Variants in C12orf42 observed in about 807,000 individuals in gnomAD.
C12orf42 encodes the protein chromosome 12 open reading frame 42.
C12orf42 carries 25 observed loss-of-function variants against 21.6 expected under a neutral mutation model. That is an observed-to-expected ratio of 1.16 (90% confidence interval 0.84 to 1.62). The LOEUF (loss-of-function observed/expected upper bound fraction) is 1.62. Among genes scored for constraint, C12orf42 ranks in the 40% most tolerant of loss-of-function variants. The pLI, the probability that C12orf42 is intolerant of heterozygous loss-of-function variation, is 0.00. For synonymous variants in C12orf42, 174 were observed against 175.0 expected, an observed-to-expected ratio of 0.99 and a Z score of 0.05; for missense variants, 483 against 459.3, an observed-to-expected ratio of 1.05 and a Z score of -0.47.
the C12orf42 span, among the ~76,000 whole-genome samples, chr12:103,509,413 G>A: frequency 6.6e-6 from 1 of 152,060 alleles, no homozygotes; most frequent in African/African-American, 2.4e-5. Flanking sequence ...TGAGCCAAGC[G>A]TAAGCACCTA....
chr12:103,163,331 T>A, the C12orf42 span, among the ~76,000 whole-genome samples: 1 of 152,136 alleles, frequency 6.6e-6, no homozygotes, highest in Non-Finnish European at 1.5e-5. Context: ...TGATGTGAAA[T>A]GAGGGGAAGG....
At chr12:103,213,788 C>T in the C12orf42 span, among the ~76,000 whole-genome samples, 1 of 152,280 alleles carries the variant, frequency 6.6e-6, no homozygotes, top group South Asian at 2.1e-4. Context: ...CATTTTTGAC[C>T]ATGGACTATG....
chr12:103,172,724 A>G, the C12orf42 span, among the ~76,000 whole-genome samples: 1 of 152,162 alleles, frequency 6.6e-6, no homozygotes, highest in South Asian at 2.1e-4. Flanking sequence ...GGATATTGCT[A>G]CAAAATATTT....
At chr12:103,184,396 T>C in the C12orf42 span, among the ~76,000 whole-genome samples, 1 of 152,230 alleles carries the variant, frequency 6.6e-6, no homozygotes, top group Admixed American at 6.5e-5. Context: ...TTTCATGGTA[T>C]ATCTTTTTCC....
downstream of C12orf42, among the ~76,000 whole-genome samples, chr12:103,298,941 C>G (rs1438415749): frequency 6.6e-6 from 1 of 152,160 alleles, no homozygotes; most frequent in Non-Finnish European, 1.5e-5. Flanking sequence ...AGAGTTCAAA[C>G]ATATGCTATG....
the C12orf42 span, among the ~76,000 whole-genome samples, chr12:103,063,972 A>G: frequency 6.6e-6 from 1 of 152,090 alleles, no homozygotes; most frequent in African/African-American, 2.4e-5. Flanking sequence ...CTAATAGTTT[A>G]TTTGCTTGGT....
intron 2 of C12orf42, among the ~76,000 whole-genome samples, chr12:103,418,551 C>T (rs1458382542): frequency 6.6e-6 from 1 of 151,926 alleles, no homozygotes; most frequent in African/African-American, 2.4e-5. Flanking sequence ...TGTGAATAAA[C>T]ACAATACTTT....
the C12orf42 span, among the ~76,000 whole-genome samples, chr12:103,118,198 T>A: frequency 6.6e-6 from 1 of 152,132 alleles, no homozygotes; most frequent in African/African-American, 2.4e-5. Flanking sequence ...ACAGCAAAAA[T>A]CTGGAGAACA....
At chr12:103,505,460 C>T in the C12orf42 span, 13 of 375,842 alleles carry the variant, frequency 3.5e-5, no homozygotes, top group East Asian at 1.0e-4. Flanking sequence ...GAAATGAACA[C>T]GTCTGGGTGC....
At chr12:103,259,067 T>C (rs1002555902) in intron 10 of C12orf42, among the ~76,000 whole-genome samples, 7 of 152,148 alleles carry the variant, frequency 4.6e-5, no homozygotes, top group Non-Finnish European at 1.0e-4. Flanking sequence ...TCTTGGTACA[T>C]GGATAGGCAA....
intron 3 of C12orf42, among the ~76,000 whole-genome samples, chr12:103,373,990 C>G (rs1268629785): frequency 6.6e-6 from 1 of 152,136 alleles, no homozygotes; most frequent in Non-Finnish European, 1.5e-5. Context: ...AATCTCTTAC[C>G]ACTGAGGCAT....
chr12:103,191,127 G>A, the C12orf42 span, among the ~76,000 whole-genome samples: 1 of 152,104 alleles, frequency 6.6e-6, no homozygotes, highest in Admixed American at 6.5e-5. Flanking sequence ...CTGTTGGAGG[G>A]AGAGGAACCT....
At chr12:103,254,907 C>A (rs1486569369) in intron 10 of C12orf42, among the ~76,000 whole-genome samples, 1 of 152,064 alleles carries the variant, frequency 6.6e-6, no homozygotes. Context: ...CACGAGTACC[C>A]CATAACTTAA....
chr12:103,197,059 T>C, the C12orf42 span, among the ~76,000 whole-genome samples: 1 of 152,230 alleles, frequency 6.6e-6, no homozygotes, highest in Non-Finnish European at 1.5e-5. Context: ...GTAATGTTTT[T>C]TCATTTCTGT....
the C12orf42 span, among the ~76,000 whole-genome samples, chr12:103,533,073 A>C: frequency 6.6e-6 from 1 of 152,218 alleles, no homozygotes; most frequent in African/African-American, 2.4e-5. Flanking sequence ...GTGAGTTTCT[A>C]AACATTCTCC....
chr12:103,240,426 T>A (rs1011229994), intron 10 of C12orf42, among the ~76,000 whole-genome samples: 4 of 152,164 alleles, frequency 2.6e-5, no homozygotes, highest in Non-Finnish European at 2.9e-5. Flanking sequence ...TAGCAAGTCA[T>A]GATGCTGGGC....
At position 103,347,030 on chromosome 12, in the gene C12orf42, C is replaced by G. The variant is rs370470968; in HGVS notation, c.259+21857G>C. On this transcript the variant is annotated intron_variant, in intron 4 of 5. Coordinates refer to ENST00000548883, the MANE Select transcript of C12orf42 (RefSeq NM_198521.5). ...AGAGCTGACATCACAGCATCACTGA[C>G]AGTCTCCACCATCTTTTGTAATTAC... is the stretch of plus-strand genomic sequence containing the variant. 2.2e-4 allele frequency among the ~76,000 whole-genome samples: 34 copies of G among 152,248 alleles called. No homozygotes were observed. The South Asian group carries it at 6.8e-3, about 31-fold the overall frequency.
At chr12:103,369,304 G>C (rs1215761621) in intron 3 of C12orf42, among the ~76,000 whole-genome samples, 4 of 151,942 alleles carry the variant, frequency 2.6e-5, no homozygotes, top group Non-Finnish European at 4.4e-5. Context: ...TACAAGAGGA[G>C]AAGTCTCTGC....
rs764135266 is a variant in C12orf42, at chr12:103,302,147, C to T, written c.1044G>A (p.Gln348=). Reference sequence around the variant, plus strand: ...CATTCACCACCGGCCTAGAAAGGGCCTGTGAACAAACCGTATGGAAACGCC... The same window carrying T: ...CATTCACCACCGGCCTAGAAAGGGCTTGTGAACAAACCGTATGGAAACGCC... ...PTRRFHTVCS[Q]ALSRPVVNAH... is the part of the protein sequence containing the mutation. The change falls in exon 6 of 6, where the codon CAG becomes CAA. Residue 348 remains glutamine (Q), a synonymous_variant. Coordinates refer to ENST00000548883, the MANE Select transcript of C12orf42 (RefSeq NM_198521.5). 5.6e-6 allele frequency: 9 copies of T among 1,611,362 alleles called. No homozygotes were observed. The highest frequency in any genetic ancestry group is 6.8e-6 in the Non-Finnish European group (8 of 1,178,752).
Sources: gnomAD v4.1 joint callset for allele counts (sites outside exome capture counted in the v4.1 genomes callset) on GRCh38, gnomAD v4.1.1 for gene constraint, MANE v1.5 for transcripts, NCBI Gene and HGNC (gene_info 2026-07-23, HGNC 2026-07-21) for gene names.